The following TMEM45A variants were observed in gnomAD, a reference collection of about 807,000 sequenced individuals.
TMEM45A encodes DNA polymerase-transactivated protein 4.
In TMEM45A, 25 loss-of-function variants were observed where a neutral mutation model predicts 32.0. That is an observed-to-expected ratio of 0.78 (90% CI 0.57 to 1.09). The LOEUF (loss-of-function observed/expected upper bound fraction) is 1.09. Among genes scored for constraint, TMEM45A ranks in the 50% least tolerant of loss-of-function variants. The pLI is 0.00. For missense variants in TMEM45A, 302 were observed against 325.0 expected (o/e 0.93, Z 0.54); for synonymous variants, 122 against 114.8 (o/e 1.06, Z -0.40).
intron 5 of TMEM45A, among the ~76,000 whole-genome samples, chr3:100,576,061 G>A (rs971065326): frequency 1.3e-4 from 20 of 151,714 alleles, no homozygotes; most frequent in Admixed American, 2.6e-4. Context: ...GCCTATAATC[G>A]GAGCACTTTG....
At chr3:100,508,937 G>A (rs536033381) in intron 1 of TMEM45A, among the ~76,000 whole-genome samples, 130 of 152,178 alleles carry the variant, frequency 8.5e-4, no homozygotes, top group African/African-American at 3.0e-3. Flanking sequence ...GACCTCAAAA[G>A]CACACATAAC....
chr3:100,556,619 G>T, intron 2 of TMEM45A, 141 bp from the exon 3 acceptor site: 2 of 800,976 alleles, frequency 2.5e-6, no homozygotes, highest in Non-Finnish European at 4.0e-6. Context: ...CCAGTGCTCA[G>T]CTGTTAGGGA....
At chr3:100,518,659 A>G (rs1347140207) in intron 1 of TMEM45A, among the ~76,000 whole-genome samples, 1 of 152,216 alleles carries the variant, frequency 6.6e-6, no homozygotes, top group Non-Finnish European at 1.5e-5. Context: ...TGAAACTAGC[A>G]CTAATGACTG....
intron 4 of TMEM45A, among the ~76,000 whole-genome samples, chr3:100,559,543 T>G (rs1270909070): frequency 6.6e-6 from 1 of 152,086 alleles, no homozygotes; most frequent in African/African-American, 2.4e-5. Context: ...ATGGAAAAAC[T>G]TCATAGAAAA....
At chr3:100,560,247 TTC>T (rs759056986) in intron 4 of TMEM45A, among the ~76,000 whole-genome samples, 5 of 146,666 alleles carry the variant, frequency 3.4e-5, no homozygotes, top group East Asian at 1.9e-4. Context: ...TGTTTTCTGC[TTC>T]TCTCTCTCTC....
intron 1 of TMEM45A, among the ~76,000 whole-genome samples, chr3:100,498,036 T>C (rs1248744210): frequency 6.6e-6 from 1 of 152,186 alleles, no homozygotes; most frequent in East Asian, 1.9e-4. Context: ...GGTGATTGGA[T>C]CATGGGGACG....
At chr3:100,520,621 C>T (rs1705419987) in intron 1 of TMEM45A, among the ~76,000 whole-genome samples, 1 of 152,166 alleles carries the variant, frequency 6.6e-6, no homozygotes, top group South Asian at 2.1e-4. Flanking sequence ...CCCACACAAA[C>T]CTCTGACTAT....
intron 1 of TMEM45A, chr3:100,519,608 G>A: frequency 6.4e-7 from 1 of 1,550,856 alleles, no homozygotes; most frequent in Non-Finnish European, 8.7e-7. Flanking sequence ...AACACCCAAA[G>A]GTTAGTTTGG....
intron 1 of TMEM45A, among the ~76,000 whole-genome samples, chr3:100,539,165 G>T (rs1344407064): frequency 6.6e-6 from 1 of 152,118 alleles, no homozygotes; most frequent in Non-Finnish European, 1.5e-5. Context: ...GAGAAGAACA[G>T]AATCGTAGTA....
At chr3:100,548,332 G>A (rs550606322) in intron 1 of TMEM45A, among the ~76,000 whole-genome samples, 1 of 152,144 alleles carries the variant, frequency 6.6e-6, no homozygotes, top group Admixed American at 6.5e-5. Context: ...GTCTCCACAT[G>A]CTCATTCAAA....
intron 1 of TMEM45A, among the ~76,000 whole-genome samples, chr3:100,525,593 G>A (rs1015301776): frequency 6.6e-6 from 1 of 152,262 alleles, no homozygotes; most frequent in Non-Finnish European, 1.5e-5. Context: ...GCCCATGGAA[G>A]GCCTCGCTGA....
chr3:100,556,656 A>T (rs1212599975), intron 2 of TMEM45A, 104 bp from the exon 3 acceptor site: 1 of 1,087,046 alleles, frequency 9.2e-7, no homozygotes, highest in Non-Finnish European at 1.3e-6. Flanking sequence ...AATTAATGTC[A>T]AAAGAGGACA....
chr3:100,503,398 C>T lies in TMEM45A; in HGVS notation c.-4+10470C>T, dbSNP rs147869498. On this transcript the variant is annotated intron_variant, in intron 1 of 5. Coordinates refer to ENST00000323523, the MANE Select transcript of TMEM45A (RefSeq NM_018004.3). ...GGGATTACAGGCCTGAGCCACTGCACCTGGCCTCTCCTTGCTGCTTCTATG... is the reference window on the plus strand; with the variant it reads ...GGGATTACAGGCCTGAGCCACTGCATCTGGCCTCTCCTTGCTGCTTCTATG... Among the ~76,000 whole-genome samples, 4 of 152,352 alleles carry T rather than the reference C, an allele frequency of 2.6e-5. No homozygotes were observed. The East Asian group carries it at 7.7e-4, about 29-fold the overall frequency.
chr3:100,552,326 G>T (rs1706123758), intron 1 of TMEM45A, among the ~76,000 whole-genome samples: 1 of 152,160 alleles, frequency 6.6e-6, no homozygotes, highest in Non-Finnish European at 1.5e-5. Flanking sequence ...GAGGAGGACA[G>T]ACCTTCAATA....
rs1044902935 is a variant in TMEM45A, at chr3:100,510,432, C to A, written c.-4+17504C>A. On this transcript the variant is annotated intron_variant, in intron 1 of 5. Coordinates refer to ENST00000323523, the MANE Select transcript of TMEM45A (RefSeq NM_018004.3). ...TCCTGTCTGTTAGAAGGAAAACTAA[C>A]AAACAGAAAAGACATCCACACCAAA... Among the ~76,000 whole-genome samples the A allele has an allele frequency of 1.8e-3, 280 of 152,328 alleles. 1 individual carries two copies. Among genetic ancestry groups the A allele is most frequent in the African/African-American group, 6.4e-3 (267 of 41,578 alleles).
At chr3:100,501,144 A>C (rs1272810145) in intron 1 of TMEM45A, among the ~76,000 whole-genome samples, 2 of 152,260 alleles carry the variant, frequency 1.3e-5, no homozygotes, top group South Asian at 2.1e-4. Flanking sequence ...TATAGTAAGC[A>C]AAGAATATGA....
intron 1 of TMEM45A, among the ~76,000 whole-genome samples, chr3:100,503,064 T>TCTC (rs897806635): frequency 1.3e-5 from 2 of 150,688 alleles, no homozygotes; most frequent in Non-Finnish European, 3.0e-5. Flanking sequence ...CTCTCTTTCT[T>TCTC]CTCCTCCTCC....
At chr3:100,509,649 A>G (rs1420118453) in intron 1 of TMEM45A, among the ~76,000 whole-genome samples, 1 of 152,186 alleles carries the variant, frequency 6.6e-6, no homozygotes, top group African/African-American at 2.4e-5. Flanking sequence ...TCCAGTCTAC[A>G]GCTCCCAGCG....
chr3:100,534,549 AGG>A (rs2148959747), intron 1 of TMEM45A, among the ~76,000 whole-genome samples: 1 of 152,294 alleles, frequency 6.6e-6, no homozygotes, highest in South Asian at 2.1e-4. Context: ...AGGCAAGGAA[AGG>A]GATTCTCCCC....
Sources: allele counts gnomAD v4.1 joint callset (sites outside exome capture counted in the v4.1 genomes callset), GRCh38; gene constraint gnomAD v4.1.1; transcripts MANE v1.5; gene names NCBI Gene and HGNC (gene_info 2026-07-23, HGNC 2026-07-21).